The following IGSF22 variants were observed in gnomAD, a reference collection of about 807,000 sequenced individuals.
IGSF22 encodes the protein immunoglobulin superfamily member 22, also known as immunoglobulin superfamily, member 22.
IGSF22 carries 119 observed loss-of-function variants against 127.0 expected under a neutral mutation model. That is an observed-to-expected ratio of 0.94 (90% CI 0.81 to 1.09). The LOEUF is 1.09. Ranked by LOEUF, IGSF22 falls within the 50% of genes least tolerant of loss-of-function variation. The pLI, the probability that IGSF22 is intolerant of heterozygous loss-of-function variation, is 0.00. For missense variants in IGSF22, 1,518 were observed against 1,716.6 expected, an observed-to-expected ratio of 0.88 and a Z score of 2.04; for synonymous variants, 568 against 664.7, an observed-to-expected ratio of 0.85 and a Z score of 2.24.
At chr11:18,706,352 C>T (rs1456881913) in intron 21 of IGSF22, among the ~76,000 whole-genome samples, 6 of 151,020 alleles carry the variant, frequency 4.0e-5, no homozygotes, top group Admixed American at 4.0e-4. Context: ...CCGTCCCCAG[C>T]CACTCCAGGG....
Position 18,706,918 on chromosome 11 carries a change from G to A in IGSF22, c.3576C>T (p.Asp1192=). The change falls in exon 21 of 23, where the codon GAC becomes GAT. Residue 1192 remains aspartate (D), a synonymous_variant. Coordinates refer to ENST00000513874, the MANE Select transcript of IGSF22 (RefSeq NM_173588.4). ...AACTGCAAGTCCCAGACTCACTCTGGTCCTTATTGATGAGCCAGGTGTCCC... is the reference window on the plus strand; with the variant it reads ...AACTGCAAGTCCCAGACTCACTCTGATCCTTATTGATGAGCCAGGTGTCCC... The part of the protein sequence containing the change: ...DSRDTWLINK[D]QIQDLSAKLK... The A allele has an allele frequency of 6.6e-7, 1 of 1,505,828 alleles. No individual in the cohort carries two copies. The highest frequency in any genetic ancestry group is 8.9e-7 in the Non-Finnish European group (1 of 1,122,166). 93.3% of individuals were successfully genotyped at this position (1,505,828 alleles called of 1,614,324 possible). A position where few individuals can be genotyped will look rare whatever the true frequency, so the allele number is the denominator to read the frequency against.
At chr11:18,707,345 A>G (rs1848260770) in intron 20 of IGSF22, 132 bp from the exon 21 acceptor site, 1 of 815,716 alleles carries the variant, frequency 1.2e-6, no homozygotes, top group East Asian at 2.8e-5. Context: ...TGGAGTCGGA[A>G]AACTATTTCT....
intron 15 of IGSF22, among the ~76,000 whole-genome samples, chr11:18,711,632 A>C (rs2134161258): frequency 6.6e-6 from 1 of 152,300 alleles, no homozygotes; most frequent in South Asian, 2.1e-4. Context: ...TCCTGACCTC[A>C]GGTGATCCTC....
chr11:18,715,266 G>C (rs751352936), intron 11 of IGSF22, among the ~76,000 whole-genome samples, 166 bp downstream of exon 11: 14 of 151,988 alleles, frequency 9.2e-5, no homozygotes, highest in Non-Finnish European at 1.5e-4. Context: ...AGAGGTCAGA[G>C]ATGGTCAGAA....
At chr11:18,722,725 T>C (rs1216127894) in intron 2 of IGSF22, among the ~76,000 whole-genome samples, 1 of 152,256 alleles carries the variant, frequency 6.6e-6, no homozygotes, top group Non-Finnish European at 1.5e-5. Flanking sequence ...TTTCCTTGAG[T>C]CAGGAACTGT....
intron 15 of IGSF22, 46 bp from the exon 16 acceptor site, chr11:18,710,874 A>C: frequency 6.5e-7 from 1 of 1,540,922 alleles, no homozygotes; most frequent in African/African-American, 1.4e-5. Context: ...GGGAGCATGT[A>C]GATATTTGCC....
chr11:18,724,154 A>T lies in IGSF22; in HGVS notation c.83T>A (p.Phe28Tyr), dbSNP rs372884436. The T allele has an allele frequency of 1.2e-6, 2 of 1,613,554 alleles. No homozygotes were observed. The highest frequency in any genetic ancestry group is 2.7e-5 in the African/African-American group (2 of 74,896). ...TCCCACGATCTTGGTTGTCTGGGAG[A>T]AGGTCTGCACGTGGGTGGTGGAGCT... ...FSSSTTHVQT[F>Y]SQTTKIVGEE... is the part of the protein sequence containing the mutation. The change falls in exon 2 of 23, where the codon TTC becomes TAC. Residue 28 changes from phenylalanine (F) to tyrosine (Y), a missense_variant. Coordinates refer to ENST00000513874, the MANE Select transcript of IGSF22 (RefSeq NM_173588.4).
Position 18,718,022 on chromosome 11 carries a change from C to G in IGSF22, c.882G>C (p.Met294Ile). Reference protein sequence around the residue: ...YDVKQMGTKYMLVISNVNMND... With the variant: ...YDVKQMGTKYILVISNVNMND... The stretch of plus-strand genomic sequence containing the variant: ...TCATGTTCACGTTGCTAATAACCAG[C>G]ATGTACTTGGTGCCCATCTGCTTCA... The change falls in exon 9 of 23, where the codon ATG (methionine) becomes ATC (isoleucine). Residue 294 changes from methionine (M) to isoleucine (I), a missense_variant. Met to Ile is a conservative substitution (Grantham distance 10). This residue lies in a region of IGSF22 where 1,456 missense variants were observed against 1,644.9 expected (regional missense o/e 0.89). Transcript: ENST00000513874. 6.2e-7 allele frequency: 1 copy of G among 1,614,226 alleles called. No individual in the cohort carries two copies. Among genetic ancestry groups the G allele is most frequent in the Non-Finnish European group, 8.5e-7 (1 of 1,180,044 alleles).
chr11:18,725,439 T>C (rs1848637182), intron 1 of IGSF22, among the ~76,000 whole-genome samples: 1 of 152,024 alleles, frequency 6.6e-6, no homozygotes, highest in Admixed American at 6.6e-5. Flanking sequence ...GCATTGCAGT[T>C]TTTTTGTTTT....
Position 18,713,974 on chromosome 11 carries a change from C to T in IGSF22, c.1973G>A (p.Arg658His), listed in dbSNP as rs767365501. ...GGTGAGCAGTGCCTGGTCTTCCCCG[C>T]GCTCCATGGACACGCGTTCCTCCTC... is the stretch of plus-strand genomic sequence containing the variant. ...VTEEERVSME[R>H]GEDQALLTIS... The change falls in exon 14 of 23, where the codon CGC (arginine) becomes CAC (histidine). Residue 658 changes from arginine to histidine, a missense_variant. Physicochemically the swap from Arg to His is conservative, Grantham distance 29. This residue lies in a region of IGSF22 where 1,456 missense variants were observed against 1,644.9 expected (regional missense o/e 0.89). Transcript: ENST00000513874. 5.9e-5 allele frequency: 96 copies of T among 1,614,162 alleles called. No homozygotes were observed. The highest frequency in any genetic ancestry group is 3.3e-4 in the Middle Eastern group (2 of 6,084).
intron 22 of IGSF22, chr11:18,704,783 A>G (rs1212809994): frequency 1.3e-5 from 6 of 448,282 alleles, no homozygotes; most frequent in African/African-American, 4.0e-5. Context: ...ATGAGAAAAC[A>G]GGCTCAATGA....
chr11:18,715,034 GATACATACATACAT>G (rs538979721), intron 11 of IGSF22, among the ~76,000 whole-genome samples: 1 of 9,186 alleles, frequency 1.1e-4, no homozygotes, highest in Non-Finnish European at 2.3e-4. Context: ...TAGACTGTGG[GATACATACATACAT>G]GTCATTGGGG....
At chr11:18,719,953 C>A (rs1794889206) in intron 6 of IGSF22, 60 bp from the exon 7 acceptor site, 1 of 1,610,614 alleles carries the variant, frequency 6.2e-7, no homozygotes, top group South Asian at 1.1e-5. Context: ...TTGAGAAACC[C>A]CTCCCTACTC....
chr11:18,719,652 ACTAG>A, intron 7 of IGSF22, 60 bp downstream of exon 7: 1 of 1,520,630 alleles, frequency 6.6e-7, no homozygotes. Context: ...ATACACAGGC[ACTAG>A]CACTTTGGGT....
chr11:18,707,922 G>C lies in IGSF22; in HGVS notation c.3162C>G (p.Ser1054Arg), dbSNP rs745601139. 2.3e-5 allele frequency: 37 copies of C among 1,613,918 alleles called. No individual in the cohort carries two copies. Among genetic ancestry groups the C allele is most frequent in the Admixed American group, 1.0e-4 (6 of 59,996 alleles). ...TAATGAGGAACTGGGAGTGGTTTTTGCTCTTGGTAATTGTCTCTCGGCCCT... is the reference window on the plus strand; with the variant it reads ...TAATGAGGAACTGGGAGTGGTTTTTCCTCTTGGTAATTGTCTCTCGGCCCT... ...PTKGRETITKSKNHSQFLINS... is the reference protein window; with the variant it reads ...PTKGRETITKRKNHSQFLINS... Residue 1054 changes from serine (S) to arginine (R), a missense_variant, in exon 20 of 23, where the codon AGC (serine) becomes AGG (arginine). Ser to Arg is a moderately radical substitution (Grantham distance 110). Transcript: ENST00000513874.
intron 2 of IGSF22, among the ~76,000 whole-genome samples, chr11:18,723,518 T>C (rs1265110068): frequency 6.6e-6 from 1 of 152,208 alleles, no homozygotes; most frequent in Non-Finnish European, 1.5e-5. Flanking sequence ...TGAGAAGGGG[T>C]ATCCAATGTC....
chr11:18,716,702 C>T lies in IGSF22; in HGVS notation c.1246+26G>A. The T allele has an allele frequency of 6.2e-7, 1 of 1,609,496 alleles. No individual in the cohort carries two copies. On this transcript the variant is annotated intron_variant, in intron 10 of 22. Transcript: ENST00000513874. The surrounding 1 kb of genome is among the most constrained non-coding windows in gnomAD (Gnocchi z 4.5). ...AGGTTGCTGTGCCATAAAGCCCACCCCTTAGGCTCTTGCCCAACCACTCAC... is the reference window on the plus strand; with the variant it reads ...AGGTTGCTGTGCCATAAAGCCCACCTCTTAGGCTCTTGCCCAACCACTCAC...
At position 18,718,609 on chromosome 11, in the gene IGSF22, C is replaced by A. The variant is rs574063127; in HGVS notation, c.810+6G>T. On this transcript the variant is annotated splice_donor_region_variant and intron_variant, in intron 8 of 22. Coordinates refer to ENST00000513874, the MANE Select transcript of IGSF22 (RefSeq NM_173588.4). Reference sequence around the variant, plus strand: ...CCAAGGTGGACCCTGGCTAGGCATCCCCCACCTTGATCCATATCATCTTGA... The same window carrying A: ...CCAAGGTGGACCCTGGCTAGGCATCACCCACCTTGATCCATATCATCTTGA... 6.5e-7 allele frequency: 1 copy of A among 1,543,532 alleles called. No individual in the cohort carries two copies. Among genetic ancestry groups the A allele is most frequent in the African/African-American group, 1.4e-5 (1 of 73,526 alleles).
intron 4 of IGSF22, 73 bp downstream of exon 4, chr11:18,721,462 A>C: frequency 1.3e-6 from 2 of 1,599,062 alleles, no homozygotes; most frequent in Admixed American, 1.7e-5. Context: ...ATCGGTGAGA[A>C]GACTGGCGGC....
Sources: allele counts gnomAD v4.1 joint callset (sites outside exome capture counted in the v4.1 genomes callset), GRCh38; gene constraint gnomAD v4.1.1; regional missense constraint gnomAD v4.1.1; non-coding constraint Gnocchi (gnomAD v3.1); transcripts MANE v1.5; gene names NCBI Gene and HGNC (gene_info 2026-07-23, HGNC 2026-07-21).